Variants in MFSD2B observed in about 807,000 individuals in gnomAD.
MFSD2B encodes the protein MFSD2 lysolipid transporter B, sphingolipid, also known as sphingosine-1-phosphate transporter MFSD2B.
MFSD2B carries 56 observed loss-of-function variants against 58.4 expected under a neutral mutation model. The observed-to-expected ratio is 0.96, with a 90% CI of 0.77 to 1.20. The LOEUF (loss-of-function observed/expected upper bound fraction) is 1.20. Among genes scored for constraint, MFSD2B ranks in the 50% most tolerant of loss-of-function variants. MFSD2B has a pLI of 0.00. For missense variants in MFSD2B, 645 were observed against 667.6 expected, an observed-to-expected ratio of 0.97 and a Z score of 0.37; for synonymous variants, 287 against 294.4, an observed-to-expected ratio of 0.97 and a Z score of 0.26.
rs560718235 is a variant in MFSD2B, at chr2:24,022,119, G to A, written c.894+149G>A. ...GGGCTGGTGCCGGGAGGGAGATCCC[G>A]GTAGGGCTTGTGGGAATGGAGGGCC... On this transcript the variant is annotated intron_variant, in intron 8 of 13. Coordinates refer to ENST00000338315, the MANE Select transcript of MFSD2B (RefSeq NM_001346880.2). The surrounding 1 kb of genome is among the most constrained non-coding windows in gnomAD (Gnocchi z 4.5). The A allele has an allele frequency of 1.5e-5, 15 of 987,514 alleles. No homozygotes were observed. The highest frequency in any genetic ancestry group is 2.4e-5 in the East Asian group (1 of 41,520). 61.2% of individuals were successfully genotyped at this position (987,514 alleles called of 1,614,324 possible).
At chr2:24,014,395 C>G (rs1709068307) in intron 2 of MFSD2B, among the ~76,000 whole-genome samples, 1 of 152,158 alleles carries the variant, frequency 6.6e-6, no homozygotes, top group Middle Eastern at 3.2e-3. Context: ...CTCAGGTGTT[C>G]CATCCACCAC....
rs371360971 is a variant in MFSD2B, at chr2:24,021,369, T to C, written c.682-279T>C. 3.3e-5 allele frequency among the ~76,000 whole-genome samples: 5 copies of C among 152,186 alleles called. No individual in the cohort carries two copies. The highest frequency in any genetic ancestry group is 1.2e-4 in the African/African-American group (5 of 41,446). On this transcript the variant is annotated intron_variant, in intron 6 of 13. Transcript: ENST00000338315. This position sits in a 1 kb window ranked among gnomAD's most constrained non-coding sequence, Gnocchi z 5.7. ...GAAGGCAGCAGCAGTCAATGTTTGC[T>C]TCATAGAATGTGGGAAGGAGCACTT...
At chr2:24,014,931 C>T (rs757898282) in intron 2 of MFSD2B, among the ~76,000 whole-genome samples, 28 of 151,754 alleles carry the variant, frequency 1.8e-4, no homozygotes, top group Non-Finnish European at 3.8e-4. Flanking sequence ...ACCAGCTTGA[C>T]CAATATGGTG....
intron 1 of MFSD2B, among the ~76,000 whole-genome samples, chr2:24,010,995 T>G (rs1374695984): frequency 6.6e-6 from 1 of 152,242 alleles, no homozygotes; most frequent in Non-Finnish European, 1.5e-5. Flanking sequence ...AGGGTGAGAT[T>G]AACAGCAAGA....
rs538525258 is a variant in MFSD2B, at chr2:24,020,238, C to T, written c.682-1410C>T. On this transcript the variant is annotated intron_variant, in intron 6 of 13. Coordinates refer to ENST00000338315, the MANE Select transcript of MFSD2B (RefSeq NM_001346880.2). This position sits in a 1 kb window ranked among gnomAD's most constrained non-coding sequence, Gnocchi z 4.1. ...AACCCATGCCCAGGGGGCAGAGCCT[C>T]ATGTGAGCAGAGACTGGATGCTCTT... is the stretch of plus-strand genomic sequence containing the variant. 6.6e-6 allele frequency among the ~76,000 whole-genome samples: 1 copy of T among 152,276 alleles called. No homozygotes were observed. Among genetic ancestry groups the T allele is most frequent in the Admixed American group, 6.5e-5 (1 of 15,304 alleles).
Position 24,010,094 on chromosome 2 carries a change from G to T in MFSD2B, c.-3G>T. The T allele has an allele frequency of 7.0e-7, 1 of 1,431,236 alleles. No homozygotes were observed. Among genetic ancestry groups the T allele is most frequent in the Non-Finnish European group, 9.1e-7 (1 of 1,098,720 alleles). The allele number at this position is 1,431,236 out of a possible 1,614,324, so 88.7% of individuals were successfully genotyped here. A position where few individuals can be genotyped will look rare whatever the true frequency, so the allele number is the denominator to read the frequency against. On this transcript the variant is annotated 5_prime_UTR_variant, in exon 1 of 14. Transcript: ENST00000338315. Reference sequence around the variant, plus strand: ...AACGGCCGCGGGCGGCGCTGCGGTGGCAATGGCGGCGCCCCCTGCACCAGC... The same window carrying T: ...AACGGCCGCGGGCGGCGCTGCGGTGTCAATGGCGGCGCCCCCTGCACCAGC...
Position 24,016,860 on chromosome 2 carries a change from C to G in MFSD2B, c.363C>G (p.Thr121=). ...GRLMPWVLGC[T]PFIALAYFFL... The stretch of plus-strand genomic sequence containing the variant: ...GCTTCCGCAGGGTGCTGGGCTGCAC[C>G]CCCTTCATCGCCCTGGCCTACTTCT... The change falls in exon 4 of 14, where the codon ACC becomes ACG. Residue 121 remains threonine (T), a synonymous_variant. Coordinates refer to ENST00000338315, the MANE Select transcript of MFSD2B (RefSeq NM_001346880.2). The G allele has an allele frequency of 6.2e-7, 1 of 1,613,582 alleles. No individual in the cohort carries two copies. The highest frequency in any genetic ancestry group is 8.5e-7 in the Non-Finnish European group (1 of 1,179,782).
rs1156496234 is a variant in MFSD2B at position 24,021,628 on chromosome 2, A to G, written c.682-20A>G. 1.2e-6 allele frequency: 2 copies of G among 1,603,284 alleles called. No individual in the cohort carries two copies. The highest frequency in any genetic ancestry group is 1.7e-6 in the Non-Finnish European group (2 of 1,173,968). On this transcript the variant is annotated intron_variant, in intron 6 of 13. Coordinates refer to ENST00000338315, the MANE Select transcript of MFSD2B (RefSeq NM_001346880.2). This position sits in a 1 kb window ranked among gnomAD's most constrained non-coding sequence, Gnocchi z 5.7. ...AGGGGTTGAAGACATCACCCATCCC[A>G]GTCCTGTCCTGTCCCACAGGCCCAT... is the stretch of plus-strand genomic sequence containing the variant.
In MFSD2B at chr2:24,021,450, G is replaced by C. The variant is rs1662780235; in HGVS notation, c.682-198G>C. 6.6e-6 allele frequency among the ~76,000 whole-genome samples: 1 copy of C among 152,204 alleles called. No homozygotes were observed. The highest frequency in any genetic ancestry group is 2.4e-5 in the African/African-American group (1 of 41,452). On this transcript the variant is annotated intron_variant, in intron 6 of 13. Transcript: ENST00000338315. This position sits in a 1 kb window ranked among gnomAD's most constrained non-coding sequence, Gnocchi z 5.7. ...TGCAGGGAACACAGGGTCAGCAGAG[G>C]GGGTGTGTGGAAGGACCAGCCCGGG...
At position 24,025,502 on chromosome 2, in the gene MFSD2B, G is replaced by C; in HGVS notation, c.*46G>C. ...AATGGACACAGGAGCCAGCACCCTC[G>C]GGGCCTGACATCGCCCTCCTCAGCC... On this transcript the variant is annotated 3_prime_UTR_variant, in exon 14 of 14. Transcript: ENST00000338315. The C allele has an allele frequency of 1.3e-6, 2 of 1,521,598 alleles. No homozygotes were observed. The highest frequency in any genetic ancestry group is 1.8e-6 in the Non-Finnish European group (2 of 1,133,808). 94.3% of individuals were successfully genotyped at this position (1,521,598 alleles called of 1,614,324 possible). A position where few individuals can be genotyped will look rare whatever the true frequency, so the allele number is the denominator to read the frequency against.
In MFSD2B at chr2:24,012,172, ACACAC is replaced by A. The variant is rs1558318825; in HGVS notation, c.97-1112_97-1108del. On this transcript the variant is annotated intron_variant, in intron 1 of 13. Coordinates refer to ENST00000338315, the MANE Select transcript of MFSD2B (RefSeq NM_001346880.2). The surrounding 1 kb of genome is among the most constrained non-coding windows in gnomAD (Gnocchi z 4.5). ...ACAAAACACACACACACACACACAC[ACACAC>A]ACAAAAACAGACAAAAAAACCCTGC... Among the ~76,000 whole-genome samples, 82 of 44,424 alleles carry A rather than the reference ACACAC, an allele frequency of 1.8e-3. 1 individual carries two copies. In the South Asian group the frequency reaches 0.047, roughly 25 times the overall value. The allele number at this position is 44,424 out of a possible 152,430, so 29.1% of individuals were successfully genotyped here. A position where few individuals can be genotyped will look rare whatever the true frequency, so the allele number is the denominator to read the frequency against.
At position 24,025,679 on chromosome 2, in the gene MFSD2B, G is replaced by C; in HGVS notation, c.*223G>C. 7.2e-6 allele frequency: 4 copies of C among 553,062 alleles called. No individual in the cohort carries two copies. Among genetic ancestry groups the C allele is most frequent in the Non-Finnish European group, 1.3e-5 (4 of 308,488 alleles). 34.3% of individuals were successfully genotyped at this position (553,062 alleles called of 1,614,324 possible). On this transcript the variant is annotated 3_prime_UTR_variant, in exon 14 of 14. Coordinates refer to ENST00000338315, the MANE Select transcript of MFSD2B (RefSeq NM_001346880.2). ...TTCAGACTATCTCAGATAGGCCTGT[G>C]CCCCTGACTAGCCCAGTAGCACTTG...
In MFSD2B at chr2:24,023,048, G is replaced by T; in HGVS notation, c.1060-82G>T. ...GGCCTAGCACAGGGCAAGGCATGGG[G>T]GTCGTCAGTCGAGTCGTGTGTGAAG... On this transcript the variant is annotated intron_variant, in intron 10 of 13. Transcript: ENST00000338315. The surrounding 1 kb of genome is among the most constrained non-coding windows in gnomAD (Gnocchi z 5.0). The T allele has an allele frequency of 7.4e-7, 1 of 1,360,280 alleles. No homozygotes were observed. The highest frequency in any genetic ancestry group is 1.0e-6 in the Non-Finnish European group (1 of 956,476). The allele number at this position is 1,360,280 out of a possible 1,614,324, so 84.3% of individuals were successfully genotyped here. A position where few individuals can be genotyped will look rare whatever the true frequency, so the allele number is the denominator to read the frequency against.
chr2:24,011,745 T>TA (rs1708960333), intron 1 of MFSD2B, among the ~76,000 whole-genome samples: 1 of 152,094 alleles, frequency 6.6e-6, no homozygotes, highest in Non-Finnish European at 1.5e-5. Context: ...CCATGATAAA[T>TA]AAAAGGTGGA....
At chr2:24,018,058 C>T (rs961996185) in intron 6 of MFSD2B, among the ~76,000 whole-genome samples, 38 of 152,142 alleles carry the variant, frequency 2.5e-4, no homozygotes, top group African/African-American at 8.9e-4. Flanking sequence ...CCTTTCACGG[C>T]GGGTCCCTTC....
rs1708989096 is a variant in MFSD2B at position 24,012,342 on chromosome 2, G to A, written c.97-943G>A. ...GCTCACTGCAACCTCTGCCTCCCTGGTTCAAGCAATTCTCTTGCCTCAGCC... is the reference window on the plus strand; with the variant it reads ...GCTCACTGCAACCTCTGCCTCCCTGATTCAAGCAATTCTCTTGCCTCAGCC... On this transcript the variant is annotated intron_variant, in intron 1 of 13. Coordinates refer to ENST00000338315, the MANE Select transcript of MFSD2B (RefSeq NM_001346880.2). This position sits in a 1 kb window ranked among gnomAD's most constrained non-coding sequence, Gnocchi z 4.5. Among the ~76,000 whole-genome samples, 1 of 152,146 alleles carries A rather than the reference G, an allele frequency of 6.6e-6. No homozygotes were observed. The highest frequency in any genetic ancestry group is 1.5e-5 in the Non-Finnish European group (1 of 68,036).
At chr2:24,019,013 G>C (rs1188752371) in intron 6 of MFSD2B, among the ~76,000 whole-genome samples, 1 of 152,048 alleles carries the variant, frequency 6.6e-6, no homozygotes, top group Non-Finnish European at 1.5e-5. Context: ...ACCACGCCTG[G>C]CTAATTTTTG....
In MFSD2B at chr2:24,023,056, G is replaced by T; in HGVS notation, c.1060-74G>T. ...ACAGGGCAAGGCATGGGGGTCGTCA[G>T]TCGAGTCGTGTGTGAAGGAGCAGGC... is the stretch of plus-strand genomic sequence containing the variant. On this transcript the variant is annotated intron_variant, in intron 10 of 13. Transcript: ENST00000338315. This position sits in a 1 kb window ranked among gnomAD's most constrained non-coding sequence, Gnocchi z 5.0. 1 of 1,399,630 alleles carries T rather than the reference G, an allele frequency of 7.1e-7. No homozygotes were observed. Among genetic ancestry groups the T allele is most frequent in the Non-Finnish European group, 1.0e-6 (1 of 991,912 alleles). 86.7% of individuals were successfully genotyped at this position (1,399,630 alleles called of 1,614,324 possible). A position where few individuals can be genotyped will look rare whatever the true frequency, so the allele number is the denominator to read the frequency against.
chr2:24,014,040 T>C (rs539572467), intron 2 of MFSD2B, among the ~76,000 whole-genome samples: 1 of 149,406 alleles, frequency 6.7e-6, no homozygotes, highest in Admixed American at 6.7e-5. Flanking sequence ...TGAGATGGAG[T>C]CTCGCTCTGT....
Sources: allele counts gnomAD v4.1 joint callset (sites outside exome capture counted in the v4.1 genomes callset), GRCh38; gene constraint gnomAD v4.1.1; non-coding constraint Gnocchi (gnomAD v3.1); transcripts MANE v1.5; gene names NCBI Gene and HGNC (gene_info 2026-07-23, HGNC 2026-07-21).